SNX25: variants seen among roughly 807,000 people sequenced by gnomAD.
SNX25 encodes sorting nexin 25.
Under a neutral mutation model 113.7 loss-of-function variants are expected in SNX25, and 62 were observed. That is an observed-to-expected ratio of 0.55 (90% CI 0.44 to 0.67). SNX25 has a LOEUF of 0.67. Ranked by LOEUF, SNX25 falls within the 30% of genes least tolerant of loss-of-function variation. SNX25 has a pLI of 0.00. For missense variants in SNX25, 1,014 were observed against 1,161.0 expected, an observed-to-expected ratio of 0.87 and a Z score of 1.84; for synonymous variants, 421 against 436.2, an observed-to-expected ratio of 0.97 and a Z score of 0.43.
downstream of SNX25, among the ~76,000 whole-genome samples, chr4:185,371,771 C>T (rs1034224954): frequency 2.6e-5 from 4 of 152,132 alleles, no homozygotes; most frequent in African/African-American, 9.7e-5. Flanking sequence ...GGCAATCACT[C>T]CTGTAAGTGG....
chr4:185,227,194 G>A (rs1038897136), intron 1 of SNX25, among the ~76,000 whole-genome samples: 9 of 152,246 alleles, frequency 5.9e-5, no homozygotes, highest in Admixed American at 1.3e-4. Context: ...CCAGGTTTGG[G>A]CAGGTGCCCG....
At chr4:185,336,285 C>G (rs1164955434) in intron 10 of SNX25, among the ~76,000 whole-genome samples, 2 of 152,128 alleles carry the variant, frequency 1.3e-5, no homozygotes, top group African/African-American at 4.8e-5. Context: ...AAGCAGTGTA[C>G]ATTGTACCCA....
intron 2 of SNX25, among the ~76,000 whole-genome samples, chr4:185,257,230 T>C (rs1330643129): frequency 1.3e-5 from 2 of 151,238 alleles, no homozygotes; most frequent in African/African-American, 4.9e-5. Context: ...AAAATAACCT[T>C]GGTACCCTCG....
At chr4:185,248,136 C>T (rs1279204202) in intron 2 of SNX25, among the ~76,000 whole-genome samples, 2 of 152,136 alleles carry the variant, frequency 1.3e-5, no homozygotes, top group African/African-American at 2.4e-5. Flanking sequence ...AATGAGAGTA[C>T]TGTATCAGTA....
At chr4:185,308,043 G>A (rs1754700572) in intron 6 of SNX25, among the ~76,000 whole-genome samples, 1 of 152,162 alleles carries the variant, frequency 6.6e-6, no homozygotes, top group Non-Finnish European at 1.5e-5. Flanking sequence ...ACAGGTGGGG[G>A]CCACCACGCC....
chr4:185,249,936 G>A (rs1233893815), intron 2 of SNX25, among the ~76,000 whole-genome samples: 1 of 152,098 alleles, frequency 6.6e-6, no homozygotes, highest in African/African-American at 2.4e-5. Context: ...GGGCTATCTT[G>A]ATGTTGGTTT....
chr4:185,224,548 CATATATATAA>C (rs1356331338), intron 1 of SNX25, among the ~76,000 whole-genome samples: 757 of 66,930 alleles, frequency 0.011, 12 homozygotes, highest in African/African-American at 0.038. Flanking sequence ...AATATATATA[CATATATATAA>C]ATATATATAA....
At chr4:185,253,584 C>T (rs1030002860) in intron 2 of SNX25, among the ~76,000 whole-genome samples, 1 of 151,976 alleles carries the variant, frequency 6.6e-6, no homozygotes, top group African/African-American at 2.4e-5. Flanking sequence ...TCTCGTGCCT[C>T]AGCCTCCCGA....
At chr4:185,241,360 C>G (rs1353143728) in intron 1 of SNX25, among the ~76,000 whole-genome samples, 2 of 151,368 alleles carry the variant, frequency 1.3e-5, no homozygotes, top group African/African-American at 2.4e-5. Context: ...CGCCTGCAAT[C>G]GCAGGCACTC....
intron 1 of SNX25, among the ~76,000 whole-genome samples, chr4:185,214,553 A>G (rs1348659240): frequency 6.6e-6 from 1 of 152,128 alleles, no homozygotes; most frequent in African/African-American, 2.4e-5. Flanking sequence ...AGCCTGGGTT[A>G]TAGAGTGAGA....
chr4:185,373,033 G>A (rs746701437), downstream of SNX25: 1 of 1,612,344 alleles, frequency 6.2e-7, no homozygotes, highest in Non-Finnish European at 8.5e-7. Flanking sequence ...TGCACCCTGG[G>A]ACTCCAGATT....
intron 13 of SNX25, among the ~76,000 whole-genome samples, chr4:185,347,615 C>T (rs746348222): frequency 6.6e-6 from 1 of 152,056 alleles, no homozygotes; most frequent in Admixed American, 6.5e-5. Context: ...GGATTACAGG[C>T]GCCTGCCACC....
intron 2 of SNX25, among the ~76,000 whole-genome samples, chr4:185,254,255 T>C (rs774039693): frequency 3.7e-4 from 57 of 152,304 alleles, no homozygotes; most frequent in Non-Finnish European, 6.8e-4. Flanking sequence ...ACCCCAAATC[T>C]TTCCAGAAGA....
At position 185,300,163 on chromosome 4, in the gene SNX25, A is replaced by AT. The variant is rs11321386; in HGVS notation, c.1163-10458dup. Among the ~76,000 whole-genome samples, 1,055 of 147,376 alleles carry AT rather than the reference A, an allele frequency of 7.2e-3. 24 individuals are homozygous for AT. In the East Asian group the frequency reaches 0.087, roughly 12 times the overall value. The stretch of plus-strand genomic sequence containing the variant: ...GAATCATAACAATGTCCACTAGGAA[A>AT]TTTTTTTTTTTTTTGAGGTGGAGCC... On this transcript the variant is annotated intron_variant, in intron 6 of 18. Coordinates refer to ENST00000652585, the MANE Select transcript of SNX25 (RefSeq NM_001378034.2).
chr4:185,361,400 G>A (rs1279725620), intron 16 of SNX25, among the ~76,000 whole-genome samples: 4 of 152,138 alleles, frequency 2.6e-5, no homozygotes, highest in Admixed American at 2.6e-4. Flanking sequence ...TAGTGCCAAT[G>A]ACAAAATTAT....
chr4:185,377,325 C>T, the SNX25 span: 2 of 265,752 alleles, frequency 7.5e-6, no homozygotes, highest in South Asian at 1.2e-4. Flanking sequence ...TCAAGACTAG[C>T]CTGACCAACA....
At chr4:185,222,067 GGTAGGTATATA>G (rs1739982544) in intron 1 of SNX25, among the ~76,000 whole-genome samples, 1 of 45,664 alleles carries the variant, frequency 2.2e-5, no homozygotes, top group African/African-American at 7.3e-5. Context: ...CCTCCTTCAT[GGTAGGTATATA>G]GCGCCATATA....
At chr4:185,333,320 T>C (rs2095208340) in intron 10 of SNX25, among the ~76,000 whole-genome samples, 3 of 152,222 alleles carry the variant, frequency 2.0e-5, no homozygotes, top group East Asian at 1.9e-4. Flanking sequence ...TGGCTGATGC[T>C]CTTTGATCTG....
intron 3 of SNX25, among the ~76,000 whole-genome samples, chr4:185,262,235 T>C (rs1019159378): frequency 6.6e-6 from 1 of 152,344 alleles, no homozygotes; most frequent in Middle Eastern, 3.4e-3. Context: ...AGCCTGTGTT[T>C]ATTTCTAGGC....
Sources: gnomAD v4.1 joint callset for allele counts (sites outside exome capture counted in the v4.1 genomes callset) on GRCh38, gnomAD v4.1.1 for gene constraint, MANE v1.5 for transcripts, NCBI Gene and HGNC (gene_info 2026-07-23, HGNC 2026-07-21) for gene names.